Variants in PADI6 observed in about 807,000 individuals in gnomAD.
The protein encoded by PADI6 is inactive protein-arginine deiminase type-6.
In PADI6, 66 loss-of-function variants were observed where a neutral mutation model predicts 78.2. That is an observed-to-expected ratio of 0.84 (90% CI 0.69 to 1.04). PADI6 has a LOEUF of 1.04. Ranked by LOEUF, PADI6 falls within the 50% of genes least tolerant of loss-of-function variation. PADI6 has a pLI of 0.00. For missense variants in PADI6, 854 were observed against 866.1 expected, an observed-to-expected ratio of 0.99 and a Z score of 0.18; for synonymous variants, 397 against 346.9, an observed-to-expected ratio of 1.14 and a Z score of -1.60.
At chr1:17,377,561 T>A (rs2075031406) in intron 3 of PADI6, among the ~76,000 whole-genome samples, 1 of 152,202 alleles carries the variant, frequency 6.6e-6, no homozygotes. Context: ...GCAAATGGAT[T>A]CTCTCTACTC....
rs1056512795 is a variant in PADI6, at chr1:17,387,460, G to GC, written c.680-921_680-920insC. Reference sequence around the variant, plus strand: ...ACTCCACCTCAAAAAAGAAAAGGAGGGGGGGGGGCCAGGCGTGGTAGCTCA... The same window carrying GC: ...ACTCCACCTCAAAAAAGAAAAGGAGGCGGGGGGGGCCAGGCGTGGTAGCTCA... On this transcript the variant is annotated intron_variant, in intron 6 of 15. Coordinates refer to ENST00000619609, the MANE Select transcript of PADI6 (RefSeq NM_207421.4). Among the ~76,000 whole-genome samples the GC allele has an allele frequency of 4.2e-5, 6 of 143,236 alleles. No individual in the cohort carries two copies. In the East Asian group the frequency reaches 5.9e-4, roughly 14 times the overall value. 94.0% of individuals were successfully genotyped at this position (143,236 alleles called of 152,430 possible). A position where few individuals can be genotyped will look rare whatever the true frequency, so the allele number is the denominator to read the frequency against.
chr1:17,378,127 G>T (rs1459774235), intron 3 of PADI6, among the ~76,000 whole-genome samples: 1 of 152,076 alleles, frequency 6.6e-6, no homozygotes, highest in Non-Finnish European at 1.5e-5. Flanking sequence ...GCCTCCTTTA[G>T]GTCTCTTTTC....
At chr1:17,373,523 C>T (rs988716032) in intron 2 of PADI6, among the ~76,000 whole-genome samples, 1 of 151,136 alleles carries the variant, frequency 6.6e-6, no homozygotes, top group Non-Finnish European at 1.5e-5. Context: ...TTGAGTCTCA[C>T]GCTCATTGCC....
In PADI6 at chr1:17,395,571, C is replaced by T. The variant is rs2075238454; in HGVS notation, c.1526C>T (p.Ala509Val). 2 of 1,569,450 alleles carry T rather than the reference C, an allele frequency of 1.3e-6. No individual in the cohort carries two copies. The highest frequency in any genetic ancestry group is 1.7e-6 in the Non-Finnish European group (2 of 1,156,372). ...CTGCTGCTCCTGGCCAGCCCCAGTG[C>T]CTGCTATAAACTGTTCCGAGAGAAA... ...GFLLLLASPS[A>V]CYKLFREKQK... The change falls in exon 13 of 16, where the codon GCC (alanine) becomes GTC (valine). Residue 509 changes from alanine (A) to valine (V), a missense_variant. Transcript: ENST00000619609.
intron 3 of PADI6, among the ~76,000 whole-genome samples, chr1:17,377,782 C>A (rs2075033817): frequency 6.6e-6 from 1 of 152,200 alleles, no homozygotes; most frequent in Non-Finnish European, 1.5e-5. Context: ...ACAGCCCAGA[C>A]CTCCCAGTGG....
At chr1:17,389,342 TTC>T (rs2075159274) in intron 8 of PADI6, among the ~76,000 whole-genome samples, 1 of 152,130 alleles carries the variant, frequency 6.6e-6, no homozygotes, top group South Asian at 2.1e-4. Flanking sequence ...GGTGAAAGCT[TTC>T]TGTCACCTGG....
At chr1:17,387,532 G>A (rs546660939) in intron 6 of PADI6, among the ~76,000 whole-genome samples, 6 of 152,098 alleles carry the variant, frequency 3.9e-5, no homozygotes, top group African/African-American at 7.2e-5. Flanking sequence ...GGCAGATCAC[G>A]AGGTCAGGAG....
In PADI6 at chr1:17,381,118, C is replaced by T. The variant is rs2075068414; in HGVS notation, c.507C>T (p.Gly169=). 6.2e-7 allele frequency: 1 copy of T among 1,609,720 alleles called. No individual in the cohort carries two copies. ...LLVNCNPADV[G]QQLEDKKTKK... ...TGAATTGCAACCCTGCTGATGTGGG[C>T]CAGCAACTTGAGGACAAGAAAACCA... The change falls in exon 5 of 16, where the codon GGC becomes GGT. Residue 169 remains glycine, a synonymous_variant. Transcript: ENST00000619609.
intron 6 of PADI6, among the ~76,000 whole-genome samples, chr1:17,385,775 G>A (rs529615621): frequency 2.6e-5 from 4 of 152,248 alleles, no homozygotes; most frequent in South Asian, 4.2e-4. Context: ...ATTATCTGAT[G>A]GCCAGCACTT....
intron 2 of PADI6, 65 bp from the exon 3 acceptor site, chr1:17,375,362 T>TG: frequency 6.9e-7 from 1 of 1,441,914 alleles, no homozygotes; most frequent in South Asian, 1.2e-5. Flanking sequence ...GCACATGGCC[T>TG]GGGGCTCTGT....
At position 17,373,247 on chromosome 1, in the gene PADI6, G is replaced by A. The variant is rs759422938; in HGVS notation, c.294+14G>A. The A allele has an allele frequency of 6.2e-7, 1 of 1,612,320 alleles. No individual in the cohort carries two copies. The highest frequency in any genetic ancestry group is 8.5e-7 in the Non-Finnish European group (1 of 1,178,688). The stretch of plus-strand genomic sequence containing the variant: ...GATGCGGATAAGGTAAGCCTCAGGG[G>A]AAGAGGTGAGGGGCATCTCCCGGGG... On this transcript the variant is annotated intron_variant, in intron 2 of 15. Transcript: ENST00000619609.
chr1:17,375,813 CT>C (rs144173521), intron 3 of PADI6, among the ~76,000 whole-genome samples: 4,258 of 152,210 alleles, frequency 0.028, 219 homozygotes, highest in African/African-American at 0.096. Flanking sequence ...TCCTTTGTTA[CT>C]AATTGACGCA....
chr1:17,387,410 A>T (rs1368626117), intron 6 of PADI6, among the ~76,000 whole-genome samples: 1 of 147,140 alleles, frequency 6.8e-6, no homozygotes, highest in Non-Finnish European at 1.5e-5. Flanking sequence ...GTGCCGCTAC[A>T]CTCTAGCCTG....
At chr1:17,387,515 C>T (rs562573145) in intron 6 of PADI6, among the ~76,000 whole-genome samples, 34 of 152,026 alleles carry the variant, frequency 2.2e-4, no homozygotes, top group East Asian at 1.5e-3. Context: ...TTGGGAGGTC[C>T]GAGGTAGGCA....
At position 17,398,812 on chromosome 1, in the gene PADI6, A is replaced by C. The variant is rs1179676072; in HGVS notation, c.1816A>C (p.Lys606Gln). ...TAACATCCCCTCTGACCAGCAGCCC[A>C]AGAGGTCCTTTGCGAGGCCATACTT... is the stretch of plus-strand genomic sequence containing the variant. ...LTNIPSDQQP[K>Q]RSFARPYFPD... The change falls in exon 15 of 16, where the codon AAG (lysine) becomes CAG (glutamine). Residue 606 changes from lysine to glutamine, a missense_variant. Physicochemically the swap from Lys to Gln is moderately conservative, Grantham distance 53. Coordinates refer to ENST00000619609, the MANE Select transcript of PADI6 (RefSeq NM_207421.4). 6.2e-7 allele frequency: 1 copy of C among 1,613,396 alleles called. No homozygotes were observed. The highest frequency in any genetic ancestry group is 8.5e-7 in the Non-Finnish European group (1 of 1,179,728).
chr1:17,398,413 G>A (rs901904654), intron 14 of PADI6, among the ~76,000 whole-genome samples: 1 of 152,146 alleles, frequency 6.6e-6, no homozygotes, highest in South Asian at 2.1e-4. Context: ...GGCTCAGCTG[G>A]TCTGGGTTGA....
At position 17,388,686 on chromosome 1, in the gene PADI6, G is replaced by C. The variant is rs889038875; in HGVS notation, c.859-91G>C. 5 of 1,466,646 alleles carry C rather than the reference G, an allele frequency of 3.4e-6. No individual in the cohort carries two copies. The South Asian group carries it at 6.4e-5, about 19-fold the overall frequency. The allele number at this position is 1,466,646 out of a possible 1,614,324, so 90.9% of individuals were successfully genotyped here. The stretch of plus-strand genomic sequence containing the variant: ...TGCAGAAGGCAAGTGGGGCCCAGCT[G>C]GGGGCCGGACTGAACGGCCGGAACC... On this transcript the variant is annotated intron_variant, in intron 7 of 15. Coordinates refer to ENST00000619609, the MANE Select transcript of PADI6 (RefSeq NM_207421.4).
chr1:17,374,966 G>A (rs1251764591), intron 2 of PADI6, among the ~76,000 whole-genome samples: 1 of 152,142 alleles, frequency 6.6e-6, no homozygotes, highest in Non-Finnish European at 1.5e-5. Context: ...TCACCTGGGT[G>A]TCCTTCTTAG....
At chr1:17,380,927 T>C in intron 4 of PADI6, 120 bp from the exon 5 acceptor site, 1 of 770,174 alleles carries the variant, frequency 1.3e-6, no homozygotes, top group Non-Finnish European at 2.1e-6. Flanking sequence ...CCAGTCCTGT[T>C]CCATGGGTCC....
Sources: gnomAD v4.1 joint callset for allele counts (sites outside exome capture counted in the v4.1 genomes callset) on GRCh38, gnomAD v4.1.1 for gene constraint, MANE v1.5 for transcripts, NCBI Gene and HGNC (gene_info 2026-07-23, HGNC 2026-07-21) for gene names.